Variants in PLXDC1 observed in about 807,000 individuals in gnomAD.
The protein encoded by PLXDC1 is plexin domain-containing protein 1.
Under a neutral mutation model 61.3 loss-of-function variants are expected in PLXDC1, and 39 were observed. The observed-to-expected ratio is 0.64, with a 90% CI of 0.49 to 0.83. The LOEUF (loss-of-function observed/expected upper bound fraction) is 0.83, where lower values mean the gene tolerates loss of function less well. PLXDC1 is among the 40% of genes least tolerant of loss of function. The pLI, the probability that PLXDC1 is intolerant of heterozygous loss-of-function variation, is 0.00. For synonymous variants in PLXDC1, 212 were observed against 254.5 expected, an observed-to-expected ratio of 0.83 and a Z score of 1.59; for missense variants, 596 against 666.5, an observed-to-expected ratio of 0.89 and a Z score of 1.17.
intron 7 of PLXDC1, among the ~76,000 whole-genome samples, chr17:39,088,864 G>A (rs553951952): frequency 4.1e-5 from 6 of 147,276 alleles, no homozygotes; most frequent in African/African-American, 7.5e-5. Flanking sequence ...CAGGAGAATC[G>A]CTTGAACCTG....
At chr17:39,132,906 C>G (rs1193162645) in intron 2 of PLXDC1, among the ~76,000 whole-genome samples, 1 of 152,126 alleles carries the variant, frequency 6.6e-6, no homozygotes, top group Non-Finnish European at 1.5e-5. Flanking sequence ...AGCCTGGTTG[C>G]TGTTGGCCAA....
At chr17:39,146,875 G>GAAGGATT (rs1270000763) in intron 1 of PLXDC1, among the ~76,000 whole-genome samples, 2 of 145,886 alleles carry the variant, frequency 1.4e-5, no homozygotes, top group South Asian at 4.4e-4. Context: ...AAAAAAAAAA[G>GAAGGATT]AAGGATTAAG....
chr17:39,108,496 G>A, intron 4 of PLXDC1: 1 of 560,700 alleles, frequency 1.8e-6, no homozygotes, highest in Non-Finnish European at 3.2e-6. Context: ...GAAGAGGAGA[G>A]GACTCACAGC....
At chr17:39,095,379 CAACCCCCCAAG>C (rs1910138898) in intron 7 of PLXDC1, among the ~76,000 whole-genome samples, 1 of 58,158 alleles carries the variant, frequency 1.7e-5, no homozygotes, top group East Asian at 5.8e-4. Context: ...CCCCCCCCCC[CAACCCCCCAAG>C]CCTGGGTTAT....
In PLXDC1 at chr17:39,067,964, A is replaced by G. The variant is rs778475240; in HGVS notation, c.1384-5T>C. ...TGGCCAGTGGTGAGGTCTACGCTGC[A>G]GAAGGCACAGAGGCAAAGTCAGTGG... On this transcript the variant is annotated splice_polypyrimidine_tract_variant and splice_region_variant and intron_variant, in intron 13 of 13. Coordinates refer to ENST00000315392, the MANE Select transcript of PLXDC1 (RefSeq NM_020405.5). The G allele has an allele frequency of 6.2e-7, 1 of 1,613,446 alleles. No homozygotes were observed. The highest frequency in any genetic ancestry group is 8.5e-7 in the Non-Finnish European group (1 of 1,179,784).
intron 7 of PLXDC1, among the ~76,000 whole-genome samples, chr17:39,098,340 A>G (rs1324019321): frequency 6.6e-6 from 1 of 152,206 alleles, no homozygotes; most frequent in East Asian, 1.9e-4. Context: ...TCAACTCCCA[A>G]ACTCAAGTGG....
chr17:39,097,895 C>G (rs895503151), intron 7 of PLXDC1, among the ~76,000 whole-genome samples: 2 of 119,028 alleles, frequency 1.7e-5, no homozygotes, highest in Non-Finnish European at 3.5e-5. Flanking sequence ...GAGCAAGACC[C>G]TGTCTATAAA....
rs548652466 is a variant in PLXDC1 at position 39,133,244 on chromosome 17, T to C, written c.255+6410A>G. Among the ~76,000 whole-genome samples the C allele has an allele frequency of 2.7e-4, 41 of 152,192 alleles. No homozygotes were observed. The South Asian group carries it at 4.8e-3, about 18-fold the overall frequency. On this transcript the variant is annotated intron_variant, in intron 2 of 13. Transcript: ENST00000315392. ...GCTGCTGGGGGTATCACCAGCATTC[T>C]CAGGTGAACACCACCCAGAACAAGG...
At chr17:39,128,173 GTATATA>G (rs988152017) in intron 2 of PLXDC1, among the ~76,000 whole-genome samples, 1 of 89,060 alleles carries the variant, frequency 1.1e-5, no homozygotes, top group African/African-American at 3.8e-5. Context: ...GTATATATAT[GTATATA>G]TATATGTGTG....
intron 2 of PLXDC1, among the ~76,000 whole-genome samples, chr17:39,121,995 G>A (rs1911173396): frequency 6.7e-6 from 1 of 150,204 alleles, no homozygotes; most frequent in Non-Finnish European, 1.5e-5. Context: ...TGCTCGGGAG[G>A]TTGACACAGG....
chr17:39,096,766 A>G (rs1321068825), intron 7 of PLXDC1: 1 of 363,272 alleles, frequency 2.8e-6, no homozygotes, highest in South Asian at 2.1e-5. Flanking sequence ...CGATGTTGGC[A>G]ATGCTAAAGT....
chr17:39,095,704 G>A lies in PLXDC1; in HGVS notation c.812-8002C>T, dbSNP rs539602946. ...TTTTGAGACAGGGTCTTGCTCTGTC[G>A]CCCAGGCTGGAGTGCAGTGGCACAA... On this transcript the variant is annotated intron_variant, in intron 7 of 13. Coordinates refer to ENST00000315392, the MANE Select transcript of PLXDC1 (RefSeq NM_020405.5). Among the ~76,000 whole-genome samples, 30 of 151,506 alleles carry A rather than the reference G, an allele frequency of 2.0e-4. 1 individual carries two copies. In the South Asian group the frequency reaches 4.4e-3, roughly 22 times the overall value.
chr17:39,096,794 T>C (rs1460190311), intron 7 of PLXDC1: 2 of 400,620 alleles, frequency 5.0e-6, no homozygotes, highest in Non-Finnish European at 1.0e-5. Flanking sequence ...ATACTAACCA[T>C]GAAATAAAGA....
Position 39,129,688 on chromosome 17 carries a change from A to AAAAG in PLXDC1, c.255+9962_255+9965dup, listed in dbSNP as rs1305179766. Among the ~76,000 whole-genome samples the AAAAG allele has an allele frequency of 8.1e-3, 526 of 64,826 alleles. 14 individuals carry two copies. Among genetic ancestry groups the AAAAG allele is most frequent in the South Asian group, 0.046 (81 of 1,764 alleles). 42.5% of individuals were successfully genotyped at this position (64,826 alleles called of 152,430 possible). A position where few individuals can be genotyped will look rare whatever the true frequency, so the allele number is the denominator to read the frequency against. ...AAGAAAGAGAGAGAGAGGGAGAAAG[A>AAAAG]AAAGAAAGAAAGAAAGAAAGAAGGA... is the stretch of plus-strand genomic sequence containing the variant. On this transcript the variant is annotated intron_variant, in intron 2 of 13. Transcript: ENST00000315392.
chr17:39,123,523 G>A (rs1169821829), intron 2 of PLXDC1, among the ~76,000 whole-genome samples: 3 of 152,146 alleles, frequency 2.0e-5, no homozygotes, highest in African/African-American at 2.4e-5. Flanking sequence ...TTTCTTGAAA[G>A]GATTAGACAA....
intron 2 of PLXDC1, among the ~76,000 whole-genome samples, chr17:39,128,172 T>TGTGTATATGTATATAG (rs1911408980): frequency 8.3e-6 from 1 of 121,148 alleles, no homozygotes; most frequent in Non-Finnish European, 1.8e-5. Flanking sequence ...TGTATATATA[T>TGTGTATATGTATATAG]GTATATATAT....
chr17:39,084,133 CT>C (rs1350186497), intron 8 of PLXDC1, among the ~76,000 whole-genome samples: 3 of 152,200 alleles, frequency 2.0e-5, no homozygotes, highest in African/African-American at 4.8e-5. Context: ...GGAATCTCAC[CT>C]AGTCGGAGAC....
chr17:39,090,314 C>G (rs1202369281), intron 7 of PLXDC1, among the ~76,000 whole-genome samples: 1 of 151,488 alleles, frequency 6.6e-6, no homozygotes, highest in Non-Finnish European at 1.5e-5. Context: ...TAAAGATTCC[C>G]TGGAGCTGAG....
At chr17:39,083,582 C>T (rs1197092857) in intron 8 of PLXDC1, 42 bp from the exon 9 acceptor site, 1 of 1,469,570 alleles carries the variant, frequency 6.8e-7, no homozygotes, top group Non-Finnish European at 9.4e-7. Context: ...CCGAGCCTCT[C>T]CTTGGGCTCC....
Sources: allele counts gnomAD v4.1 joint callset (sites outside exome capture counted in the v4.1 genomes callset), GRCh38; gene constraint gnomAD v4.1.1; transcripts MANE v1.5; gene names NCBI Gene and HGNC (gene_info 2026-07-23, HGNC 2026-07-21).